The following IQGAP2 variants were observed in gnomAD, a reference collection of about 807,000 sequenced individuals.
The protein encoded by IQGAP2 is IQ motif containing GTPase activating protein 2.
Under a neutral mutation model 201.3 loss-of-function variants are expected in IQGAP2, and 173 were observed. The ratio of observed to expected loss-of-function variants is 0.86; its 90% CI spans 0.76 to 0.98. IQGAP2 has a LOEUF of 0.98. IQGAP2 is among the 50% of genes least tolerant of loss of function. The pLI is 0.00. For synonymous variants in IQGAP2, 675 were observed against 673.9 expected, an observed-to-expected ratio of 1.00 and a Z score of -0.03; for missense variants, 1,687 against 1,864.8, an observed-to-expected ratio of 0.90 and a Z score of 1.76.
At chr5:76,612,904 G>T (rs1160973205) in intron 13 of IQGAP2, among the ~76,000 whole-genome samples, 1 of 152,150 alleles carries the variant, frequency 6.6e-6, no homozygotes, top group Non-Finnish European at 1.5e-5. Context: ...TAAGGAGTGT[G>T]TGTATTAAAT....
At chr5:76,500,190 T>G (rs892037028) in intron 2 of IQGAP2, among the ~76,000 whole-genome samples, 1 of 152,212 alleles carries the variant, frequency 6.6e-6, no homozygotes, top group Non-Finnish European at 1.5e-5. Flanking sequence ...TACTTTCTTC[T>G]GTTGCATGCT....
At chr5:76,554,486 C>A (rs1743779091) in intron 2 of IQGAP2, among the ~76,000 whole-genome samples, 1 of 151,952 alleles carries the variant, frequency 6.6e-6, no homozygotes. Flanking sequence ...ACAAATAATT[C>A]AACTAAAACA....
At chr5:76,706,227 G>GA (rs1302394128) in intron 35 of IQGAP2, among the ~76,000 whole-genome samples, 2 of 152,064 alleles carry the variant, frequency 1.3e-5, no homozygotes, top group Non-Finnish European at 2.9e-5. Flanking sequence ...CAAAAAATGA[G>GA]AAAAAATAAA....
At chr5:76,487,282 C>A (rs1341054903) in intron 2 of IQGAP2, among the ~76,000 whole-genome samples, 1 of 151,600 alleles carries the variant, frequency 6.6e-6, no homozygotes. Flanking sequence ...GATTTTTAGT[C>A]GAGACAGGGT....
intron 30 of IQGAP2, among the ~76,000 whole-genome samples, chr5:76,684,156 AT>A (rs1200199489): frequency 1.3e-5 from 2 of 152,146 alleles, no homozygotes; most frequent in Non-Finnish European, 2.9e-5. Context: ...TAGTAATTTG[AT>A]TTTTTTCCTT....
chr5:76,411,419 G>A (rs1751109251), intron 1 of IQGAP2, among the ~76,000 whole-genome samples: 1 of 152,176 alleles, frequency 6.6e-6, no homozygotes, highest in Non-Finnish European at 1.5e-5. Context: ...AAACAAATGT[G>A]ATTTGGAAGG....
At chr5:76,629,783 G>A (rs1750547819) in intron 14 of IQGAP2, among the ~76,000 whole-genome samples, 1 of 152,088 alleles carries the variant, frequency 6.6e-6, no homozygotes, top group Non-Finnish European at 1.5e-5. Context: ...GCTGGTATAT[G>A]GCTTAAGATG....
At chr5:76,661,520 T>C (rs2150454835) in intron 21 of IQGAP2, among the ~76,000 whole-genome samples, 1 of 152,306 alleles carries the variant, frequency 6.6e-6, no homozygotes, top group Admixed American at 6.5e-5. Context: ...CAGTACTACC[T>C]GAAACTCAGG....
chr5:76,498,057 G>A (rs2150164970), intron 2 of IQGAP2, among the ~76,000 whole-genome samples: 1 of 152,172 alleles, frequency 6.6e-6, no homozygotes, highest in East Asian at 1.9e-4. Context: ...CTTACAGTTT[G>A]GAACTCCCGG....
intron 13 of IQGAP2, chr5:76,618,322 T>A: frequency 6.2e-7 from 1 of 1,614,182 alleles, no homozygotes; most frequent in Non-Finnish European, 8.5e-7. Flanking sequence ...TAGAATACAG[T>A]GGTACAGATG....
At chr5:76,572,912 G>A (rs1320136989) in intron 4 of IQGAP2, among the ~76,000 whole-genome samples, 1 of 152,170 alleles carries the variant, frequency 6.6e-6, no homozygotes, top group Non-Finnish European at 1.5e-5. Flanking sequence ...TAATATAATT[G>A]TGCTCATATC....
intron 21 of IQGAP2, among the ~76,000 whole-genome samples, chr5:76,662,089 T>C (rs1381605163): frequency 6.6e-6 from 1 of 152,246 alleles, no homozygotes; most frequent in African/African-American, 2.4e-5. Flanking sequence ...GGGTTGGCTC[T>C]TGTGTCCATC....
intron 2 of IQGAP2, among the ~76,000 whole-genome samples, chr5:76,492,181 G>A (rs2150156702): frequency 6.6e-6 from 1 of 152,342 alleles, no homozygotes; most frequent in Admixed American, 6.5e-5. Flanking sequence ...TTCTTACCTA[G>A]GGTGGGGAAA....
At chr5:76,694,766 A>T (rs560617135) in intron 31 of IQGAP2, among the ~76,000 whole-genome samples, 3 of 152,216 alleles carry the variant, frequency 2.0e-5, no homozygotes, top group African/African-American at 7.2e-5. Context: ...GACTTCATCT[A>T]TTGGGTCAGT....
At chr5:76,628,646 C>T (rs927543337) in intron 14 of IQGAP2, 71 of 452,742 alleles carry the variant, frequency 1.6e-4, no homozygotes, top group African/African-American at 1.1e-3. Context: ...TGTATCAGGT[C>T]AGAGAAGGTT....
At chr5:76,594,774 A>G (rs1381641160) in intron 9 of IQGAP2, among the ~76,000 whole-genome samples, 1 of 152,008 alleles carries the variant, frequency 6.6e-6, no homozygotes, top group Non-Finnish European at 1.5e-5. Flanking sequence ...AGACCACCCT[A>G]GCTAATATAG....
intron 1 of IQGAP2, among the ~76,000 whole-genome samples, chr5:76,453,993 A>G (rs1036622033): frequency 3.3e-5 from 5 of 152,308 alleles, no homozygotes; most frequent in East Asian, 1.9e-4. Context: ...TGAGATCTGT[A>G]TGGGGATGGG....
chr5:76,624,331 C>G (rs949437168), intron 13 of IQGAP2: 2 of 152,144 alleles, frequency 1.3e-5, no homozygotes, highest in Non-Finnish European at 2.9e-5. Flanking sequence ...TGAAGCCTGA[C>G]CATCCCACAG....
chr5:76,645,155 C>T (rs1202996641), intron 17 of IQGAP2, among the ~76,000 whole-genome samples: 3 of 152,024 alleles, frequency 2.0e-5, no homozygotes, highest in Non-Finnish European at 2.9e-5. Flanking sequence ...CAGCTTCATC[C>T]ATGTCCCTGC....
Sources: gnomAD v4.1 joint callset for allele counts (sites outside exome capture counted in the v4.1 genomes callset) on GRCh38, gnomAD v4.1.1 for gene constraint, MANE v1.5 for transcripts, NCBI Gene and HGNC (gene_info 2026-07-23, HGNC 2026-07-21) for gene names.